The following DEUP1 variants were observed in gnomAD, a reference collection of about 807,000 sequenced individuals.
DEUP1 encodes deuterosome assembly protein 1.
A neutral mutation model predicts 87.4 loss-of-function variants in DEUP1; 82 were observed. The observed-to-expected ratio is 0.94, with a 90% confidence interval of 0.78 to 1.13. The LOEUF is 1.13. Ranked by LOEUF, DEUP1 falls within the 50% of genes most tolerant of loss-of-function variation. The pLI, the probability that DEUP1 is intolerant of heterozygous loss-of-function variation, is 0.00. For missense variants in DEUP1, 663 were observed against 681.5 expected, an observed-to-expected ratio of 0.97 and a Z score of 0.30; for synonymous variants, 214 against 222.7, an observed-to-expected ratio of 0.96 and a Z score of 0.35.
intron 2 of DEUP1, chr11:93,352,192 C>T (rs1395400500): frequency 1.9e-6 from 1 of 525,030 alleles, no homozygotes; most frequent in East Asian, 2.9e-5. Context: ...CCTGCCTCTC[C>T]CTCCTGTCCT....
At chr11:93,373,630 T>TATAC (rs59137053) in intron 7 of DEUP1, among the ~76,000 whole-genome samples, 26,791 of 144,302 alleles carry the variant, frequency 0.19, 2,771 homozygotes, top group South Asian at 0.32. Flanking sequence ...TATACGTATA[T>TATAC]ATATATATAT....
chr11:93,371,127 C>A lies in DEUP1; in HGVS notation c.636C>A (p.Asp212Glu), dbSNP rs755175064. The change falls in exon 7 of 14, where the codon GAC becomes GAA. Residue 212 changes from aspartate (D) to glutamate (E), a missense_variant. By Grantham distance (45) the Asp-to-Glu change is conservative. Transcript: ENST00000298050. ...SSSEIPRLIC[D>E]PDPNCEINER... ...CTGAAATTCCTCGTTTGATATGTGACCCAGATCCCAATTGTGAAATCAATG... is the reference window on the plus strand; with the variant it reads ...CTGAAATTCCTCGTTTGATATGTGAACCAGATCCCAATTGTGAAATCAATG... 1.9e-6 allele frequency: 3 copies of A among 1,612,940 alleles called. No individual in the cohort carries two copies. Among genetic ancestry groups the A allele is most frequent in the Non-Finnish European group, 1.7e-6 (2 of 1,179,420 alleles).
At position 93,346,722 on chromosome 11, in the gene DEUP1, G is replaced by C. The variant is rs567643794; in HGVS notation, c.30-8649G>C. On this transcript the variant is annotated intron_variant, in intron 2 of 13. Coordinates refer to ENST00000298050, the MANE Select transcript of DEUP1 (RefSeq NM_181645.4). ...TTTGTGTCATCTCTGGTTTCTTTGA[G>C]CAGTGTTTTGTAATTCTCATTGTAG... is the stretch of plus-strand genomic sequence containing the variant. Among the ~76,000 whole-genome samples, 3 of 152,252 alleles carry C rather than the reference G, an allele frequency of 2.0e-5. No individual in the cohort carries two copies. The South Asian group carries it at 6.2e-4, about 32-fold the overall frequency.
intron 7 of DEUP1, among the ~76,000 whole-genome samples, chr11:93,376,492 T>G (rs923625189): frequency 6.6e-6 from 1 of 152,216 alleles, no homozygotes; most frequent in African/African-American, 2.4e-5. Flanking sequence ...CTAATTGAGC[T>G]TATTTGGATC....
chr11:93,347,895 A>G (rs1944437437), intron 2 of DEUP1, among the ~76,000 whole-genome samples: 1 of 151,948 alleles, frequency 6.6e-6, no homozygotes, highest in South Asian at 2.1e-4. Flanking sequence ...GCGTGCCACC[A>G]CGCCTGGCTA....
chr11:93,332,231 A>G lies in DEUP1; in HGVS notation c.-29A>G. On this transcript the variant is annotated 5_prime_UTR_variant, in exon 2 of 14. Transcript: ENST00000298050. ...CTCCTAACAGATTAAAAATCAAGAA[A>G]TATAAACCAGATGTAGCAGTTTCTT... 1 of 1,596,632 alleles carries G rather than the reference A, an allele frequency of 6.3e-7. No individual in the cohort carries two copies. Among genetic ancestry groups the G allele is most frequent in the East Asian group, 2.2e-5 (1 of 44,648 alleles).
At chr11:93,419,165 T>C (rs1283075692) in intron 13 of DEUP1, among the ~76,000 whole-genome samples, 50 of 122,244 alleles carry the variant, frequency 4.1e-4, no homozygotes, top group Non-Finnish European at 2.5e-4. Context: ...ACATGTACCC[T>C]AAAACTTAAA....
chr11:93,387,551 G>A (rs539240216), intron 8 of DEUP1, among the ~76,000 whole-genome samples: 18 of 151,968 alleles, frequency 1.2e-4, no homozygotes, highest in Admixed American at 2.6e-4. Context: ...CCTTATACAT[G>A]TACATTAGCA....
intron 7 of DEUP1, among the ~76,000 whole-genome samples, chr11:93,375,129 GT>G (rs1383991742): frequency 6.8e-6 from 1 of 147,120 alleles, no homozygotes; most frequent in Non-Finnish European, 1.5e-5. Context: ...ACTGATTTTT[GT>G]ACATTGATTT....
In DEUP1 at chr11:93,437,533, C is replaced by T; in HGVS notation, c.1639-10C>T. Reference sequence around the variant, plus strand: ...ATTCCTCACTCACTTTTCTTTCTTTCTCTCTTTAGTCTCCCCCAGATATGT... The same window carrying T: ...ATTCCTCACTCACTTTTCTTTCTTTTTCTCTTTAGTCTCCCCCAGATATGT... On this transcript the variant is annotated splice_polypyrimidine_tract_variant and intron_variant, in intron 13 of 13. Coordinates refer to ENST00000298050, the MANE Select transcript of DEUP1 (RefSeq NM_181645.4). 2 of 1,592,546 alleles carry T rather than the reference C, an allele frequency of 1.3e-6. No homozygotes were observed. Among genetic ancestry groups the T allele is most frequent in the Non-Finnish European group, 1.7e-6 (2 of 1,172,492 alleles).
At chr11:93,350,023 T>G (rs1944553766) in intron 2 of DEUP1, among the ~76,000 whole-genome samples, 1 of 152,158 alleles carries the variant, frequency 6.6e-6, no homozygotes, top group African/African-American at 2.4e-5. Context: ...GGGATTGTTT[T>G]GAGGAGTATA....
At chr11:93,434,678 G>A (rs1024230538) in intron 13 of DEUP1, among the ~76,000 whole-genome samples, 2 of 152,150 alleles carry the variant, frequency 1.3e-5, no homozygotes, top group African/African-American at 2.4e-5. Flanking sequence ...TAAGAGCCAG[G>A]ACCTGTAGAA....
intron 7 of DEUP1, among the ~76,000 whole-genome samples, chr11:93,384,196 CT>C (rs1377461110): frequency 6.6e-6 from 1 of 152,122 alleles, no homozygotes; most frequent in African/African-American, 2.4e-5. Flanking sequence ...GTAGCTAATT[CT>C]TTCATTGCCA....
chr11:93,392,931 C>T (rs200432620), intron 9 of DEUP1, among the ~76,000 whole-genome samples: 1,053 of 88,024 alleles, frequency 0.012, 15 homozygotes, highest in African/African-American at 0.035. Context: ...CTCCTCCCTC[C>T]TCTTCCTCCT....
At chr11:93,427,287 A>T (rs1236068589) in intron 13 of DEUP1, among the ~76,000 whole-genome samples, 1 of 151,586 alleles carries the variant, frequency 6.6e-6, no homozygotes, top group Non-Finnish European at 1.5e-5. Context: ...ATATAGATCA[A>T]TGGAACATAA....
intron 13 of DEUP1, among the ~76,000 whole-genome samples, chr11:93,436,477 T>G (rs1948252235): frequency 1.3e-5 from 2 of 152,214 alleles, no homozygotes; most frequent in African/African-American, 4.8e-5. Context: ...ATATTAAAAA[T>G]AATGCATTTG....
rs899205390 is a variant in DEUP1 at position 93,364,243 on chromosome 11, C to T, written c.381C>T (p.His127=). Residue 127 remains histidine, a synonymous_variant, in exon 5 of 14, where the codon CAC becomes CAT. Transcript: ENST00000298050. ...QNKVPRKELP[H]LKEEIPFELS... ...AAGTTCCACGAAAAGAATTACCACA[C>T]CTTAAAGAAGAAATACCCTTTGAAC... is the stretch of plus-strand genomic sequence containing the variant. 2 of 1,609,606 alleles carry T rather than the reference C, an allele frequency of 1.2e-6. No homozygotes were observed. The highest frequency in any genetic ancestry group is 1.7e-5 in the Admixed American group (1 of 59,870).
chr11:93,330,761 G>T lies in DEUP1; in HGVS notation c.-56G>T. ...CGCCTCAGACCTCTCGGGCGAGCGC[G>T]GCGCAGCGCAGGTAATGGCTCCTGG... On this transcript the variant is annotated 5_prime_UTR_variant, in exon 1 of 14. Coordinates refer to ENST00000298050, the MANE Select transcript of DEUP1 (RefSeq NM_181645.4). The T allele has an allele frequency of 6.6e-6, 1 of 152,586 alleles. No homozygotes were observed. The highest frequency in any genetic ancestry group is 2.0e-4 in the South Asian group (1 of 5,030). 9.5% of individuals were successfully genotyped at this position (152,586 alleles called of 1,614,324 possible). A position where few individuals can be genotyped will look rare whatever the true frequency, so the allele number is the denominator to read the frequency against.
chr11:93,364,489 T>C (rs915767837), intron 5 of DEUP1, among the ~76,000 whole-genome samples, 195 bp downstream of exon 5: 1 of 151,784 alleles, frequency 6.6e-6, no homozygotes, highest in African/African-American at 2.4e-5. Context: ...ATCACTTTGA[T>C]GTATACATCT....
Sources: allele counts gnomAD v4.1 joint callset (sites outside exome capture counted in the v4.1 genomes callset), GRCh38; gene constraint gnomAD v4.1.1; transcripts MANE v1.5; gene names NCBI Gene and HGNC (gene_info 2026-07-23, HGNC 2026-07-21).